The following SEMA5A variants were observed in gnomAD, a reference collection of about 807,000 sequenced individuals.
SEMA5A encodes semaphorin 5A, also known as semaphorin-5A.
Under a neutral mutation model 135.5 loss-of-function variants are expected in SEMA5A, and 55 were observed. That is an observed-to-expected ratio of 0.41 (90% CI 0.33 to 0.51). The LOEUF is 0.51. Ranked by LOEUF, SEMA5A falls within the 20% of genes least tolerant of loss-of-function variation. The probability of loss-of-function intolerance (pLI) is 0.37; values close to 1 mark genes in which losing one functional copy is unlikely to be tolerated. For missense variants in SEMA5A, 1,290 were observed against 1,419.9 expected (o/e 0.91, Z 1.47); for synonymous variants, 580 against 546.5 (o/e 1.06, Z -0.85).
At chr5:9,131,394 G>A (rs183530653) in intron 13 of SEMA5A, among the ~76,000 whole-genome samples, 17 of 152,014 alleles carry the variant, frequency 1.1e-4, no homozygotes, top group Middle Eastern at 3.4e-3. Flanking sequence ...GGATCAAAAG[G>A]TCAGGAGATC....
intron 5 of SEMA5A, among the ~76,000 whole-genome samples, chr5:9,282,449 A>G (rs2150567089): frequency 6.6e-6 from 1 of 152,306 alleles, no homozygotes; most frequent in South Asian, 2.1e-4. Context: ...AGAATCCTGG[A>G]AAAGCAATAA....
At chr5:9,272,792 TAACA>T (rs1750051762) in intron 5 of SEMA5A, among the ~76,000 whole-genome samples, 1 of 151,996 alleles carries the variant, frequency 6.6e-6, no homozygotes, top group Non-Finnish European at 1.5e-5. Context: ...GAAGGAACAC[TAACA>T]AACAAAGGAA....
At chr5:9,224,953 C>A in intron 7 of SEMA5A, 66 bp from the exon 8 acceptor site, 1 of 1,419,130 alleles carries the variant, frequency 7.0e-7, no homozygotes, top group South Asian at 1.3e-5. Context: ...TGCTTATGGT[C>A]ACACCCACCA....
intron 1 of SEMA5A, among the ~76,000 whole-genome samples, chr5:9,491,279 G>A (rs1005118934): frequency 1.6e-4 from 25 of 152,042 alleles, no homozygotes; most frequent in Admixed American, 9.2e-4. Context: ...GGGGATTTTC[G>A]GGGCACGAGA....
chr5:9,366,878 G>GAACACA (rs1286708082), intron 3 of SEMA5A, among the ~76,000 whole-genome samples: 60 of 152,298 alleles, frequency 3.9e-4, no homozygotes, highest in African/African-American at 1.4e-3. Context: ...AAGAAATTGA[G>GAACACA]ATGAAAATGG....
At chr5:9,248,743 T>C (rs1396625622) in intron 5 of SEMA5A, among the ~76,000 whole-genome samples, 5 of 152,186 alleles carry the variant, frequency 3.3e-5, no homozygotes, top group Middle Eastern at 3.4e-3. Context: ...GAGATAGTGA[T>C]GAAGGAGCCT....
intron 5 of SEMA5A, among the ~76,000 whole-genome samples, chr5:9,287,143 T>C (rs1750836228): frequency 6.6e-6 from 1 of 152,204 alleles, no homozygotes; most frequent in African/African-American, 2.4e-5. Flanking sequence ...CATAGGCAAG[T>C]GTGCACTTGA....
intron 11 of SEMA5A, among the ~76,000 whole-genome samples, chr5:9,173,452 G>C (rs563870148): frequency 6.6e-6 from 1 of 152,146 alleles, no homozygotes; most frequent in South Asian, 2.1e-4. Context: ...CTAAAGCCTG[G>C]GAAGTCCAAG....
chr5:9,489,036 T>C (rs892742669), intron 1 of SEMA5A, among the ~76,000 whole-genome samples: 2 of 152,128 alleles, frequency 1.3e-5, no homozygotes, highest in African/African-American at 4.8e-5. Context: ...TTTTCATGAG[T>C]ATCAGGCCTC....
chr5:9,221,822 A>C (rs1747016659), intron 8 of SEMA5A, among the ~76,000 whole-genome samples: 1 of 152,146 alleles, frequency 6.6e-6, no homozygotes, highest in Non-Finnish European at 1.5e-5. Flanking sequence ...TTTCTCTGTA[A>C]AGTAGGAGGA....
chr5:9,469,147 T>A (rs1345415176), intron 1 of SEMA5A, among the ~76,000 whole-genome samples: 1 of 152,166 alleles, frequency 6.6e-6, no homozygotes, highest in African/African-American at 2.4e-5. Flanking sequence ...TAGCTGGGAC[T>A]ACAGGCGCCC....
chr5:9,493,817 TCAGAAC>T (rs1735161000), intron 1 of SEMA5A, among the ~76,000 whole-genome samples: 1 of 152,180 alleles, frequency 6.6e-6, no homozygotes, highest in Admixed American at 6.6e-5. Flanking sequence ...CAGCAGCCTC[TCAGAAC>T]CGAGCTTTAC....
chr5:9,080,210 A>G (rs1738298929), intron 16 of SEMA5A, among the ~76,000 whole-genome samples: 1 of 152,202 alleles, frequency 6.6e-6, no homozygotes, highest in Non-Finnish European at 1.5e-5. Context: ...GCGGAATACT[A>G]TGCAGCCATA....
rs149783189 is a variant in SEMA5A, at chr5:9,508,099, G to A, written c.-175+37485C>T. Reference sequence around the variant, plus strand: ...GTGATCATAGAATCCTAGCAACTAGGGAAAGATGAGTCACTGTGAGGAGGT... The same window carrying A: ...GTGATCATAGAATCCTAGCAACTAGAGAAAGATGAGTCACTGTGAGGAGGT... On this transcript the variant is annotated intron_variant, in intron 1 of 22. Coordinates refer to ENST00000382496, the MANE Select transcript of SEMA5A (RefSeq NM_003966.3). 3.2e-3 allele frequency among the ~76,000 whole-genome samples: 492 copies of A among 152,272 alleles called. 2 individuals are homozygous for A. In the South Asian group the frequency reaches 0.042, roughly 13 times the overall value.
At chr5:9,208,894 C>T (rs889296493) in intron 8 of SEMA5A, among the ~76,000 whole-genome samples, 1 of 152,128 alleles carries the variant, frequency 6.6e-6, no homozygotes, top group Non-Finnish European at 1.5e-5. Flanking sequence ...CAATCAGGGC[C>T]TTGCATCCTC....
intron 11 of SEMA5A, among the ~76,000 whole-genome samples, chr5:9,161,398 T>A (rs1025063095): frequency 4.6e-5 from 7 of 151,706 alleles, no homozygotes; most frequent in Non-Finnish European, 8.8e-5. Context: ...TTTAAATTTT[T>A]CTAGATGCCA....
At chr5:9,107,465 G>A (rs1027497147) in intron 16 of SEMA5A, among the ~76,000 whole-genome samples, 2 of 151,996 alleles carry the variant, frequency 1.3e-5, no homozygotes, top group African/African-American at 2.4e-5. Flanking sequence ...GGGTGTGTCC[G>A]GTTCATCCCA....
chr5:9,131,380 G>T (rs565637401), intron 13 of SEMA5A, among the ~76,000 whole-genome samples: 1 of 151,902 alleles, frequency 6.6e-6, no homozygotes, highest in Non-Finnish European at 1.5e-5. Flanking sequence ...AGGCCGAGGC[G>T]GGTGGATCAA....
At chr5:9,221,580 G>C (rs1056357145) in intron 8 of SEMA5A, among the ~76,000 whole-genome samples, 61 of 152,234 alleles carry the variant, frequency 4.0e-4, no homozygotes, top group African/African-American at 1.3e-3. Flanking sequence ...GGGATTACAG[G>C]CGTGAGCCAC....
Sources: gnomAD v4.1 joint callset for allele counts (sites outside exome capture counted in the v4.1 genomes callset) on GRCh38, gnomAD v4.1.1 for gene constraint, MANE v1.5 for transcripts, NCBI Gene and HGNC (gene_info 2026-07-23, HGNC 2026-07-21) for gene names.